Variants in EVI5 observed in about 807,000 individuals in gnomAD.
The protein encoded by EVI5 is ecotropic viral integration site 5.
A neutral mutation model predicts 112.0 loss-of-function variants in EVI5; 73 were observed. The ratio of observed to expected loss-of-function variants is 0.65; its 90% CI spans 0.54 to 0.79. The LOEUF is 0.79. EVI5 is among the 30% of genes least tolerant of loss of function. The pLI, the probability that EVI5 is intolerant of heterozygous loss-of-function variation, is 0.00. For missense variants in EVI5, 900 were observed against 968.8 expected (o/e 0.93, Z 0.94); for synonymous variants, 305 against 319.9 (o/e 0.95, Z 0.50).
chr1:92,525,535 C>T (rs1661729436), intron 19 of EVI5, among the ~76,000 whole-genome samples: 1 of 152,152 alleles, frequency 6.6e-6, no homozygotes, highest in South Asian at 2.1e-4. Flanking sequence ...TCCCAAAGTG[C>T]TGGGATTACA....
intron 9 of EVI5, among the ~76,000 whole-genome samples, chr1:92,682,769 A>C (rs936410261): frequency 6.6e-6 from 1 of 152,186 alleles, no homozygotes; most frequent in Non-Finnish European, 1.5e-5. Context: ...AAAGGTCTTC[A>C]AAATTGTACT....
intron 1 of EVI5, among the ~76,000 whole-genome samples, chr1:92,771,604 TTTTC>T (rs1214991514): frequency 2.7e-5 from 1 of 37,616 alleles, no homozygotes; most frequent in Non-Finnish European, 4.6e-5. Flanking sequence ...ATCAATTTTC[TTTTC>T]TTTTTTTTTT....
chr1:92,715,588 G>T (rs1673505272), intron 2 of EVI5, among the ~76,000 whole-genome samples: 1 of 152,144 alleles, frequency 6.6e-6, no homozygotes, highest in Non-Finnish European at 1.5e-5. Context: ...GAGGTACCTG[G>T]TTCATCTCAC....
At chr1:92,784,546 G>A (rs1044950338) in intron 1 of EVI5, 13 of 361,908 alleles carry the variant, frequency 3.6e-5, no homozygotes, top group Non-Finnish European at 3.8e-5. Context: ...TGCCCCCGAA[G>A]CTGCTCCGTC....
chr1:92,703,310 G>A, intron 4 of EVI5, 85 bp downstream of exon 4: 4 of 779,046 alleles, frequency 5.1e-6, no homozygotes, highest in Non-Finnish European at 8.1e-6. Flanking sequence ...ATTGTGGTGG[G>A]AGGTCATGCT....
chr1:92,612,275 A>T (rs150552801), intron 16 of EVI5, among the ~76,000 whole-genome samples: 1 of 152,176 alleles, frequency 6.6e-6, no homozygotes, highest in Non-Finnish European at 1.5e-5. Flanking sequence ...AATAAAGAGG[A>T]GGAAAGGAAG....
intron 18 of EVI5, among the ~76,000 whole-genome samples, chr1:92,596,362 A>G (rs942982933): frequency 6.6e-6 from 1 of 152,132 alleles, no homozygotes; most frequent in African/African-American, 2.4e-5. Context: ...CCTGTCTTGA[A>G]AACAATAACA....
intron 13 of EVI5, among the ~76,000 whole-genome samples, chr1:92,660,223 T>C (rs1047644607): frequency 3.3e-5 from 5 of 151,952 alleles, no homozygotes; most frequent in Admixed American, 2.6e-4. Context: ...CCTAAATGTA[T>C]AAAAATAACA....
chr1:92,693,749 T>C (rs982451570), intron 9 of EVI5, 53 bp downstream of exon 9: 18 of 934,694 alleles, frequency 1.9e-5, no homozygotes, highest in South Asian at 1.5e-4. Flanking sequence ...ACTGTATCAC[T>C]AGAATGTTTT....
chr1:92,539,841 ACC>A (rs1303907091), intron 19 of EVI5, among the ~76,000 whole-genome samples: 1 of 152,070 alleles, frequency 6.6e-6, no homozygotes, highest in Non-Finnish European at 1.5e-5. Flanking sequence ...TAAACCACAC[ACC>A]TCTTAGCTGT....
intron 14 of EVI5, among the ~76,000 whole-genome samples, chr1:92,630,375 T>G (rs374024844): frequency 1.3e-5 from 2 of 152,332 alleles, no homozygotes; most frequent in East Asian, 3.9e-4. Flanking sequence ...TGGTATGAGA[T>G]GGTATCTCAT....
chr1:92,536,736 G>A (rs181059037), intron 19 of EVI5, among the ~76,000 whole-genome samples: 23 of 152,260 alleles, frequency 1.5e-4, no homozygotes, highest in African/African-American at 5.1e-4. Flanking sequence ...AAAGAAATCT[G>A]TGCCGAGAAA....
At chr1:92,778,781 A>C (rs780514705) in intron 1 of EVI5, among the ~76,000 whole-genome samples, 6 of 152,164 alleles carry the variant, frequency 3.9e-5, no homozygotes, top group Non-Finnish European at 1.5e-5. Context: ...GGAGTGAGAC[A>C]ACAGAAGAAA....
Position 92,513,945 on chromosome 1 carries a change from C to T in EVI5, c.2192G>A (p.Gly731Asp). The T allele has an allele frequency of 6.4e-7, 1 of 1,573,914 alleles. No homozygotes were observed. Among genetic ancestry groups the T allele is most frequent in the African/African-American group, 1.4e-5 (1 of 74,006 alleles). The stretch of plus-strand genomic sequence containing the variant: ...ATCAAAAGGAGGTTGGCCTGAGAAG[C>T]CCCTCTGGCCTTTTAGGCACCTGAG... ...HELRCLKGQR[G>D]FSGQPPFDGI... The change falls in exon 20 of 20, where the codon GGC (glycine) becomes GAC (aspartate). Residue 731 changes from glycine (G) to aspartate (D), a missense_variant. Gly to Asp is a moderately conservative substitution (Grantham distance 94, BLOSUM62 -1). Transcript: ENST00000684568.
chr1:92,764,789 G>A (rs1682358674), intron 1 of EVI5, among the ~76,000 whole-genome samples: 1 of 152,046 alleles, frequency 6.6e-6, no homozygotes. Flanking sequence ...TTCTTATGAA[G>A]AAATAATGAC....
intron 18 of EVI5, among the ~76,000 whole-genome samples, chr1:92,564,633 T>C (rs1669139678): frequency 1.3e-5 from 2 of 151,970 alleles, no homozygotes; most frequent in Admixed American, 6.6e-5. Flanking sequence ...AGAGAGGCAC[T>C]TTTTCTTATA....
At chr1:92,539,367 C>A (rs1664403025) in intron 19 of EVI5, among the ~76,000 whole-genome samples, 1 of 151,984 alleles carries the variant, frequency 6.6e-6, no homozygotes, top group African/African-American at 2.4e-5. Flanking sequence ...ACTGGTGAAA[C>A]CCCGTCTCTA....
At chr1:92,705,272 T>C (rs1016056964) in intron 2 of EVI5, among the ~76,000 whole-genome samples, 3 of 152,254 alleles carry the variant, frequency 2.0e-5, no homozygotes, top group African/African-American at 7.2e-5. Context: ...AGTGTTTGTG[T>C]AAAAACTGAG....
At chr1:92,550,630 C>T (rs1177121454) in intron 19 of EVI5, among the ~76,000 whole-genome samples, 2 of 146,524 alleles carry the variant, frequency 1.4e-5, no homozygotes, top group African/African-American at 2.5e-5. Flanking sequence ...GCCTGTAGTC[C>T]CAGCTACTTG....
Sources: gnomAD v4.1 joint callset for allele counts (sites outside exome capture counted in the v4.1 genomes callset) on GRCh38, gnomAD v4.1.1 for gene constraint, MANE v1.5 for transcripts, NCBI Gene and HGNC (gene_info 2026-07-23, HGNC 2026-07-21) for gene names.